The following PCDH15 variants were observed in gnomAD, a reference collection of about 807,000 sequenced individuals.
The protein encoded by PCDH15 is protocadherin related 15.
In PCDH15, 129 loss-of-function variants were observed where a neutral mutation model predicts 178.5. The ratio of observed to expected loss-of-function variants is 0.72; its 90% CI spans 0.63 to 0.84. The LOEUF (loss-of-function observed/expected upper bound fraction) is 0.84, where lower values mean the gene tolerates loss of function less well. PCDH15 is among the 40% of genes least tolerant of loss of function. The pLI, the probability that PCDH15 is intolerant of heterozygous loss-of-function variation, is 0.00. For synonymous variants in PCDH15, 800 were observed against 732.0 expected (o/e 1.09, Z -1.50); for missense variants, 2,230 against 2,099.9 (o/e 1.06, Z -1.21).
At chr10:54,733,237 T>G (rs1327852916) in intron 1 of PCDH15, among the ~76,000 whole-genome samples, 1 of 151,488 alleles carries the variant, frequency 6.6e-6, no homozygotes, top group South Asian at 2.1e-4. Flanking sequence ...ATCTGAAATC[T>G]CAAAAATGAA....
At chr10:55,536,968 T>C (rs1841591442) in intron 2 of PCDH15, among the ~76,000 whole-genome samples, 1 of 152,272 alleles carries the variant, frequency 6.6e-6, no homozygotes, top group Non-Finnish European at 1.5e-5. Context: ...TTATTTTATT[T>C]TTTATAAATT....
intron 2 of PCDH15, among the ~76,000 whole-genome samples, chr10:55,378,908 T>TCACACACA (rs1554859658): frequency 4.0e-5 from 6 of 148,786 alleles, no homozygotes; most frequent in African/African-American, 7.4e-5. Context: ...TCTCTCTCTC[T>TCACACACA]CACATATGCC....
At chr10:55,430,599 G>A (rs7916324) in intron 2 of PCDH15, among the ~76,000 whole-genome samples, 31,634 of 151,946 alleles carry the variant, frequency 0.21, 4,382 homozygotes, top group Non-Finnish European at 0.31. Flanking sequence ...TTTTACCCAC[G>A]AAGGCCAGTT....
chr10:53,978,003 C>T (rs1331865772), intron 21 of PCDH15, among the ~76,000 whole-genome samples: 2 of 152,158 alleles, frequency 1.3e-5, no homozygotes, highest in African/African-American at 4.8e-5. Context: ...AGTGTATAGC[C>T]CCCTCTTGGC....
intron 1 of PCDH15, among the ~76,000 whole-genome samples, chr10:55,167,955 T>G (rs926436492): frequency 2.0e-5 from 3 of 152,188 alleles, no homozygotes; most frequent in East Asian, 3.9e-4. Context: ...ATACTTTCTT[T>G]TCATAGATAT....
rs1210875054 is a variant in PCDH15, at chr10:53,809,141, T to C, written c.4671+1415A>G. 3 of 1,613,772 alleles carry C rather than the reference T, an allele frequency of 1.9e-6. No homozygotes were observed. The Admixed American group carries it at 5.0e-5, about 27-fold the overall frequency. On this transcript the variant is annotated intron_variant, in intron 37 of 37. Coordinates refer to ENST00000644397, the MANE Select transcript of PCDH15 (RefSeq NM_001384140.1). ...GATTCTTCTGATTCAGGGGTGGAAC[T>C]CTCCTCCTCCTCAGAGGGTGTCTCT...
intron 25 of PCDH15, among the ~76,000 whole-genome samples, chr10:53,913,869 C>T (rs1056696848): frequency 1.1e-4 from 16 of 152,092 alleles, no homozygotes; most frequent in Admixed American, 3.9e-4. Flanking sequence ...ACCTATCTGA[C>T]AAAGGGCTAA....
At chr10:55,242,093 G>A (rs1841558068) in intron 1 of PCDH15, among the ~76,000 whole-genome samples, 1 of 152,158 alleles carries the variant, frequency 6.6e-6, no homozygotes, top group African/African-American at 2.4e-5. Context: ...GACTGCACGT[G>A]CACATGACTA....
At chr10:55,508,776 T>C (rs1405794668) in intron 2 of PCDH15, among the ~76,000 whole-genome samples, 1 of 151,700 alleles carries the variant, frequency 6.6e-6, no homozygotes, top group Non-Finnish European at 1.5e-5. Flanking sequence ...TACAGGGTAG[T>C]ATAATAAAAT....
chr10:54,266,570 CA>C (rs951194002), intron 8 of PCDH15, among the ~76,000 whole-genome samples: 1 of 151,486 alleles, frequency 6.6e-6, no homozygotes. Context: ...GCAAGATTAA[CA>C]AAAAAGAGAA....
chr10:54,836,179 G>A (rs1392440524), intron 3 of PCDH15, among the ~76,000 whole-genome samples: 2 of 152,104 alleles, frequency 1.3e-5, no homozygotes, highest in Non-Finnish European at 2.9e-5. Context: ...TTAGTGGAGA[G>A]GGATGATTAA....
chr10:55,001,819 T>C (rs1405992329), intron 2 of PCDH15, among the ~76,000 whole-genome samples: 1 of 152,234 alleles, frequency 6.6e-6, no homozygotes, highest in Non-Finnish European at 1.5e-5. Context: ...CAGAGGTTTC[T>C]GGCTGGAAAA....
At chr10:54,508,728 C>T (rs570634821) in intron 3 of PCDH15, among the ~76,000 whole-genome samples, 2 of 152,118 alleles carry the variant, frequency 1.3e-5, no homozygotes, top group African/African-American at 2.4e-5. Flanking sequence ...AATTAATCGC[C>T]GGATGATGGA....
chr10:55,032,199 T>G (rs12260813), intron 2 of PCDH15, among the ~76,000 whole-genome samples: 8,561 of 152,220 alleles, frequency 0.056, 427 homozygotes, highest in African/African-American at 0.13. Flanking sequence ...AGGTCCCAGA[T>G]GGAAATGAGG....
chr10:55,436,390 C>T (rs752756024), intron 2 of PCDH15, among the ~76,000 whole-genome samples: 5 of 151,870 alleles, frequency 3.3e-5, no homozygotes, highest in Non-Finnish European at 7.4e-5. Flanking sequence ...TTTAATGAAA[C>T]AGGAATTTCA....
intron 2 of PCDH15, among the ~76,000 whole-genome samples, chr10:55,503,445 T>C (rs923756967): frequency 6.7e-6 from 1 of 149,872 alleles, no homozygotes; most frequent in Non-Finnish European, 1.5e-5. Context: ...ATGTTTATTT[T>C]GATGTGATGG....
intron 2 of PCDH15, among the ~76,000 whole-genome samples, chr10:55,029,118 T>C (rs1449673094): frequency 2.0e-5 from 3 of 152,018 alleles, no homozygotes; most frequent in African/African-American, 7.2e-5. Flanking sequence ...TTGAGGGCTG[T>C]AATTAAGAAT....
intron 14 of PCDH15, among the ~76,000 whole-genome samples, chr10:54,136,653 T>C (rs2042930813): frequency 6.6e-6 from 1 of 152,182 alleles, no homozygotes; most frequent in African/African-American, 2.4e-5. Flanking sequence ...AGTGAGACAA[T>C]GCTACAATAA....
At chr10:54,994,504 C>A (rs1478329959) in intron 2 of PCDH15, among the ~76,000 whole-genome samples, 1 of 151,852 alleles carries the variant, frequency 6.6e-6, no homozygotes, top group African/African-American at 2.4e-5. Context: ...ATACAGTAAA[C>A]TTTTGTGATC....
Sources: allele counts gnomAD v4.1 joint callset (sites outside exome capture counted in the v4.1 genomes callset), GRCh38; gene constraint gnomAD v4.1.1; transcripts MANE v1.5; gene names NCBI Gene and HGNC (gene_info 2026-07-23, HGNC 2026-07-21).